Variants in IL1RAPL2 observed in about 807,000 individuals in gnomAD.
The protein encoded by IL1RAPL2 is interleukin 1 receptor accessory protein like 2, also known as X-linked interleukin-1 receptor accessory protein-like 2.
IL1RAPL2 carries 3 observed loss-of-function variants against 44.1 expected under a neutral mutation model. The observed-to-expected ratio is 0.07, with a 90% CI of 0.03 to 0.18. The LOEUF (loss-of-function observed/expected upper bound fraction) is 0.18, where lower values mean the gene tolerates loss of function less well. IL1RAPL2 is among the 10% of genes least tolerant of loss of function. The pLI is 1.00. For synonymous variants in IL1RAPL2, 181 were observed against 178.8 expected (o/e 1.01, Z -0.10); for missense variants, 391 against 496.4 (o/e 0.79, Z 2.02).
At chrX:105,305,590 T>C (rs980170607) in intron 5 of IL1RAPL2, among the ~76,000 whole-genome samples, 6 of 111,088 alleles carry the variant, frequency 5.4e-5, no homozygotes, top group African/African-American at 2.0e-4. Context: ...TGAAAAGTTT[T>C]TGCTATTTTT....
chrX:105,614,459 A>G (rs752258394), intron 6 of IL1RAPL2, among the ~76,000 whole-genome samples: 5 of 111,864 alleles, frequency 4.5e-5, no homozygotes, highest in Non-Finnish European at 9.4e-5. Flanking sequence ...ACTGGCATAA[A>G]AACGGACCCA....
At chrX:105,450,964 A>G (rs2036015875) in intron 5 of IL1RAPL2, among the ~76,000 whole-genome samples, 1 of 107,584 alleles carries the variant, frequency 9.3e-6, no homozygotes, top group Non-Finnish European at 1.9e-5. Context: ...TGTTAGAATT[A>G]TGATTGTTAG....
intron 2 of IL1RAPL2, among the ~76,000 whole-genome samples, chrX:104,717,059 G>C (rs909692902): frequency 1.8e-5 from 2 of 111,962 alleles, no homozygotes; most frequent in Non-Finnish European, 3.8e-5. Context: ...AAGAAAATGT[G>C]GTACATATGC....
intron 6 of IL1RAPL2, among the ~76,000 whole-genome samples, chrX:105,678,026 A>G (rs967811060): frequency 4.5e-5 from 5 of 111,958 alleles, no homozygotes; most frequent in Non-Finnish European, 9.4e-5. Context: ...TCTTTGCCTG[A>G]TATCAAAAGT....
chrX:104,660,965 CAT>C (rs1555978297), intron 2 of IL1RAPL2, among the ~76,000 whole-genome samples: 1 of 109,383 alleles, frequency 9.1e-6, no homozygotes, highest in Non-Finnish European at 1.9e-5. Context: ...CACACACACA[CAT>C]ACACACACAC....
At chrX:105,554,575 T>A (rs928274811) in intron 6 of IL1RAPL2, among the ~76,000 whole-genome samples, 1 of 111,262 alleles carries the variant, frequency 9.0e-6, no homozygotes, top group Non-Finnish European at 1.9e-5. Flanking sequence ...AGCTGCTGGA[T>A]ATTGTTCCAC....
In IL1RAPL2 at chrX:105,611,723, A is replaced by G. The variant is rs758253731; in HGVS notation, c.773-105644A>G. Among the ~76,000 whole-genome samples the G allele has an allele frequency of 2.2e-3, 242 of 111,936 alleles. 2 individuals are homozygous for G. Among genetic ancestry groups the G allele is most frequent in the Non-Finnish European group, 3.7e-3 (196 of 53,168 alleles). On this transcript the variant is annotated intron_variant, in intron 6 of 10. Transcript: ENST00000372582. Reference sequence around the variant, plus strand: ...AACTCATTTCTCAGAACATATCCCCATCATTAAGCAACACATAACTGTATT... The same window carrying G: ...AACTCATTTCTCAGAACATATCCCCGTCATTAAGCAACACATAACTGTATT...
At chrX:104,933,236 TGTGC>T (rs1924948716) in intron 2 of IL1RAPL2, among the ~76,000 whole-genome samples, 1 of 111,020 alleles carries the variant, frequency 9.0e-6, no homozygotes, top group Non-Finnish European at 1.9e-5. Context: ...ACCTGCATGT[TGTGC>T]GCATGTACCC....
At chrX:104,585,299 T>TATTA (rs1928508816) in intron 1 of IL1RAPL2, among the ~76,000 whole-genome samples, 1 of 22,408 alleles carries the variant, frequency 4.5e-5, no homozygotes, top group African/African-American at 2.9e-4. Context: ...ATATTATATA[T>TATTA]TATATATTAT....
chrX:105,006,777 G>A lies in IL1RAPL2; in HGVS notation c.83-188698G>A, dbSNP rs1456694105. Among the ~76,000 whole-genome samples, 12 of 111,195 alleles carry A rather than the reference G, an allele frequency of 1.1e-4. No individual in the cohort carries two copies. The Admixed American group carries it at 1.1e-3, about 11-fold the overall frequency. Reference sequence around the variant, plus strand: ...ACATTTTGAGATTGTGTCACTGTTGGGTTGCAGTTGAGACACCTTGCTATT... The same window carrying A: ...ACATTTTGAGATTGTGTCACTGTTGAGTTGCAGTTGAGACACCTTGCTATT... On this transcript the variant is annotated intron_variant, in intron 2 of 10. Transcript: ENST00000372582.
At chrX:105,291,889 A>G (rs1310258517) in intron 5 of IL1RAPL2, among the ~76,000 whole-genome samples, 1 of 111,342 alleles carries the variant, frequency 9.0e-6, no homozygotes, top group Admixed American at 9.6e-5. Context: ...TTTTCAACCA[A>G]ACATGAATAG....
At chrX:105,551,322 C>A (rs2036853612) in intron 6 of IL1RAPL2, among the ~76,000 whole-genome samples, 1 of 107,884 alleles carries the variant, frequency 9.3e-6, no homozygotes. Flanking sequence ...AAAAAAAACA[C>A]ATTAGTACCC....
intron 2 of IL1RAPL2, among the ~76,000 whole-genome samples, chrX:104,808,237 T>C (rs12861814): frequency 1.8e-5 from 2 of 112,389 alleles, no homozygotes; most frequent in Admixed American, 9.5e-5. Context: ...GTAGAAACTG[T>C]GGGTTGCTTA....
chrX:104,890,507 G>A (rs1923395938), intron 2 of IL1RAPL2, among the ~76,000 whole-genome samples: 1 of 112,065 alleles, frequency 8.9e-6, no homozygotes, highest in African/African-American at 3.2e-5. Context: ...GTGTGAGATG[G>A]TATCTCATTG....
intron 2 of IL1RAPL2, among the ~76,000 whole-genome samples, chrX:105,014,898 C>A (rs2147743199): frequency 8.9e-6 from 1 of 112,136 alleles, no homozygotes; most frequent in Non-Finnish European, 1.9e-5. Flanking sequence ...ACACTCTCTT[C>A]CACAATGGTT....
At position 104,653,901 on chromosome X, in the gene IL1RAPL2, C is replaced by A. The variant is rs758304466; in HGVS notation, c.-19-4994C>A. Among the ~76,000 whole-genome samples, 6 of 111,260 alleles carry A rather than the reference C, an allele frequency of 5.4e-5. No homozygotes were observed. The East Asian group carries it at 1.7e-3, about 32-fold the overall frequency. On this transcript the variant is annotated intron_variant, in intron 1 of 10. Coordinates refer to ENST00000372582, the MANE Select transcript of IL1RAPL2 (RefSeq NM_017416.2). ...AGTTTCACCCTCATACCTCCCATTG[C>A]CATTTTTGTATCTTGAATTTATCAT...
At chrX:104,726,323 GC>G (rs1340196488) in intron 2 of IL1RAPL2, among the ~76,000 whole-genome samples, 2 of 111,423 alleles carry the variant, frequency 1.8e-5, no homozygotes, top group Non-Finnish European at 3.8e-5. Context: ...GATGCCTCTA[GC>G]TTTGTTCTTT....
intron 6 of IL1RAPL2, among the ~76,000 whole-genome samples, chrX:105,713,249 C>A (rs2147550159): frequency 9.0e-6 from 1 of 111,695 alleles, no homozygotes; most frequent in African/African-American, 3.3e-5. Context: ...AGGGCTCTGA[C>A]CCCACATTTC....
intron 8 of IL1RAPL2, among the ~76,000 whole-genome samples, chrX:105,743,414 C>T (rs1026323648): frequency 3.6e-5 from 4 of 111,568 alleles, no homozygotes; most frequent in Non-Finnish European, 5.7e-5. Flanking sequence ...GCCTCAGGTC[C>T]TTTGCACTTG....
Sources: gnomAD v4.1 joint callset for allele counts (sites outside exome capture counted in the v4.1 genomes callset) on GRCh38, gnomAD v4.1.1 for gene constraint, MANE v1.5 for transcripts, NCBI Gene and HGNC (gene_info 2026-07-23, HGNC 2026-07-21) for gene names.